SPTAN1: variants seen among roughly 807,000 people sequenced by gnomAD.
The protein encoded by SPTAN1 is spectrin alpha chain, non-erythrocytic 1.
In SPTAN1, 61 loss-of-function variants were observed where a neutral mutation model predicts 331.3. That is an observed-to-expected ratio of 0.18 (90% CI 0.15 to 0.23). The LOEUF (loss-of-function observed/expected upper bound fraction) is 0.23, where lower values mean the gene tolerates loss of function less well. SPTAN1 is among the 10% of genes least tolerant of loss of function. The probability of loss-of-function intolerance (pLI) is 1.00; values close to 1 mark genes in which losing one functional copy is unlikely to be tolerated. For synonymous variants in SPTAN1, 1,153 were observed against 1,173.9 expected (o/e 0.98, Z 0.36); for missense variants, 2,043 against 3,147.9 (o/e 0.65, Z 8.40).
In SPTAN1 at chr9:128,633,142, C is replaced by A. The variant is rs1860090584; in HGVS notation, c.7309-67C>A. The A allele has an allele frequency of 2.5e-6, 4 of 1,611,102 alleles. No homozygotes were observed. The East Asian group carries it at 8.9e-5, about 36-fold the overall frequency. ...GCTCCGAGCCCCCAGCATCCTGAGA[C>A]CTGGGAGGTCGGGTTTGAAGTGGGT... On this transcript the variant is annotated intron_variant, in intron 56 of 56. Transcript: ENST00000372739.
intron 21 of SPTAN1, among the ~76,000 whole-genome samples, chr9:128,589,777 G>A (rs891429139): frequency 5.5e-5 from 8 of 145,260 alleles, no homozygotes; most frequent in East Asian, 2.1e-4. Flanking sequence ...GGGTTTCACC[G>A]TGTTAGCCAG....
rs2131559207 is a variant in SPTAN1, at chr9:128,604,431, C to T, written c.3719+14C>T. ...GAGGTTCCACAGGTGAGGGGTCAGC[C>T]CTGGGCTGGGAGAGGGAGAAACAGG... is the stretch of plus-strand genomic sequence containing the variant. On this transcript the variant is annotated intron_variant, in intron 29 of 56. Transcript: ENST00000372739. The T allele has an allele frequency of 6.2e-7, 1 of 1,609,898 alleles. No homozygotes were observed.
chr9:128,586,030 A>T (rs1293138402), intron 19 of SPTAN1, 65 bp downstream of exon 19: 9 of 1,431,634 alleles, frequency 6.3e-6, no homozygotes, highest in African/African-American at 1.4e-5. Flanking sequence ...CTGAGAAGGA[A>T]GTTAGGAGAA....
chr9:128,632,673 C>G lies in SPTAN1; in HGVS notation c.7115C>G (p.Pro2372Arg). ...YDLPMVEEGE[P>R]DPEFEAILDT... ...CTGCCCATGGTGGAGGAAGGGGAAC[C>G]TGACCCTGAGTTCGAGGCAATCCTG... Residue 2372 changes from proline (P) to arginine (R), a missense_variant, in exon 55 of 57, where the codon CCT (proline) becomes CGT (arginine). By Grantham distance (103) the Pro-to-Arg change is moderately radical. Transcript: ENST00000372739. 1 of 1,614,054 alleles carries G rather than the reference C, an allele frequency of 6.2e-7. No homozygotes were observed. The highest frequency in any genetic ancestry group is 1.1e-5 in the South Asian group (1 of 91,086).
At chr9:128,615,949 TC>T in intron 41 of SPTAN1, 109 bp downstream of exon 41, 1 of 1,227,090 alleles carries the variant, frequency 8.1e-7, no homozygotes, top group Non-Finnish European at 1.2e-6. Context: ...TGGACTGGGA[TC>T]CCAGCTTGGG....
chr9:128,568,057 C>T (rs1269565388), intron 2 of SPTAN1, among the ~76,000 whole-genome samples: 3 of 152,008 alleles, frequency 2.0e-5, no homozygotes, highest in Non-Finnish European at 2.9e-5. Flanking sequence ...CCAATGCACT[C>T]GGCCAAAACT....
intron 28 of SPTAN1, among the ~76,000 whole-genome samples, chr9:128,603,884 T>G (rs913025968): frequency 6.6e-6 from 1 of 152,210 alleles, no homozygotes; most frequent in Admixed American, 6.5e-5. Flanking sequence ...GTGAGCGGCT[T>G]CCTTGCCGCC....
At chr9:128,570,580 C>T (rs1272461209) in intron 3 of SPTAN1, among the ~76,000 whole-genome samples, 1 of 151,742 alleles carries the variant, frequency 6.6e-6, no homozygotes, top group African/African-American at 2.4e-5. Context: ...TCAGGTGATC[C>T]ACCTGCCTCA....
Position 128,591,615 on chromosome 9 carries a change from A to G in SPTAN1, c.3145A>G (p.Ile1049Val), listed in dbSNP as rs374186379. The change falls in exon 22 of 57, where the codon ATT (isoleucine) becomes GTT (valine). Residue 1049 changes from isoleucine (I) to valine (V), a missense_variant. Physicochemically the swap from Ile to Val is conservative, Grantham distance 29. Around this residue, in one of 12 missense-constraint regions of SPTAN1, gnomAD observed 1,038 missense variants for 1,531.5 expected, o/e 0.68. Transcript: ENST00000372739. ...QGSIALRQEQIDNQTRITKEA... is the reference protein window; with the variant it reads ...QGSIALRQEQVDNQTRITKEA... Reference sequence around the variant, plus strand: ...CAGCATAGCACTGCGGCAGGAGCAGATTGACAATCAGTAAGGATGACACTG... The same window carrying G: ...CAGCATAGCACTGCGGCAGGAGCAGGTTGACAATCAGTAAGGATGACACTG... The G allele has an allele frequency of 1.7e-5, 27 of 1,613,942 alleles. No individual in the cohort carries two copies. The highest frequency in any genetic ancestry group is 1.7e-6 in the Non-Finnish European group (2 of 1,179,996).
chr9:128,584,577 G>A (rs748818790), intron 17 of SPTAN1, 52 bp downstream of exon 17: 8 of 1,614,030 alleles, frequency 5.0e-6, no homozygotes, highest in Non-Finnish European at 6.8e-6. Context: ...CTGTGCTATT[G>A]TAGCATAAAG....
intron 51 of SPTAN1, chr9:128,628,362 T>G (rs189082273): frequency 1.6e-5 from 6 of 372,174 alleles, no homozygotes; most frequent in Non-Finnish European, 3.1e-5. Context: ...TGCTGGGGGC[T>G]CAGGCAGGGT....
chr9:128,556,889 G>A lies in SPTAN1; in HGVS notation c.-4+4193G>A, dbSNP rs574768274. Among the ~76,000 whole-genome samples the A allele has an allele frequency of 2.4e-4, 36 of 152,268 alleles. No individual in the cohort carries two copies. The South Asian group carries it at 7.3e-3, about 31-fold the overall frequency. ...ATTTTGTTTGATCTGAGAATCAACT[G>A]GTATACAATTTTATGAGTGCTAATC... On this transcript the variant is annotated intron_variant, in intron 1 of 56. Coordinates refer to ENST00000372739, the MANE Select transcript of SPTAN1 (RefSeq NM_001130438.3).
intron 27 of SPTAN1, among the ~76,000 whole-genome samples, chr9:128,603,198 TC>T (rs1180463414): frequency 9.9e-5 from 15 of 152,114 alleles, no homozygotes; most frequent in Admixed American, 6.5e-5. Flanking sequence ...TTTTTTTTTT[TC>T]CGGAATGTTC....
intron 49 of SPTAN1, 111 bp downstream of exon 49, chr9:128,626,798 C>G: frequency 4.3e-6 from 5 of 1,170,024 alleles, no homozygotes; most frequent in Non-Finnish European, 6.1e-6. Flanking sequence ...GATGGAGGAG[C>G]ATGGTTTCAT....
intron 24 of SPTAN1, chr9:128,596,224 T>C (rs1003920283): frequency 6.6e-6 from 1 of 152,156 alleles, no homozygotes; most frequent in Non-Finnish European, 1.5e-5. Flanking sequence ...TATTTCACTG[T>C]TTGATACACT....
intron 1 of SPTAN1, among the ~76,000 whole-genome samples, chr9:128,554,548 C>T (rs1360248397): frequency 2.0e-5 from 3 of 151,482 alleles, no homozygotes; most frequent in African/African-American, 4.9e-5. Context: ...GGAATAGTCC[C>T]CCATGTCCTG....
intron 1 of SPTAN1, among the ~76,000 whole-genome samples, chr9:128,558,623 G>A (rs1287028675): frequency 6.6e-6 from 1 of 152,166 alleles, no homozygotes; most frequent in Non-Finnish European, 1.5e-5. Flanking sequence ...ACGTTTCCCA[G>A]ATTTTTCCTT....
chr9:128,594,428 G>GTTTT, intron 24 of SPTAN1, 55 bp downstream of exon 24: 164 of 600,476 alleles, frequency 2.7e-4, no homozygotes, highest in Middle Eastern at 4.9e-4. Flanking sequence ...TGAGTCTCTT[G>GTTTT]ATTTTTTTTT....
At chr9:128,611,127 G>A (rs958281653) in intron 37 of SPTAN1, among the ~76,000 whole-genome samples, 1 of 152,190 alleles carries the variant, frequency 6.6e-6, no homozygotes, top group African/African-American at 2.4e-5. Context: ...GTTAGGAAGT[G>A]TGTAATTCTA....
Sources: gnomAD v4.1 joint callset for allele counts (sites outside exome capture counted in the v4.1 genomes callset) on GRCh38, gnomAD v4.1.1 for gene constraint, gnomAD v4.1.1 regional missense constraint, MANE v1.5 for transcripts, NCBI Gene and HGNC (gene_info 2026-07-23, HGNC 2026-07-21) for gene names.